Variants in AP4E1 observed in about 807,000 individuals in gnomAD.
AP4E1 encodes AP-4 complex subunit epsilon-1.
In AP4E1, 56 loss-of-function variants were observed where a neutral mutation model predicts 128.2. The ratio of observed to expected loss-of-function variants is 0.44; its 90% CI spans 0.35 to 0.55. The LOEUF is 0.55. AP4E1 is among the 20% of genes least tolerant of loss of function. AP4E1 has a pLI of 0.00. For missense variants in AP4E1, 1,324 were observed against 1,307.7 expected (o/e 1.01, Z -0.19); for synonymous variants, 484 against 473.1 (o/e 1.02, Z -0.30).
At chr15:50,972,807 G>A (rs113464153) in intron 15 of AP4E1, among the ~76,000 whole-genome samples, 179 of 152,312 alleles carry the variant, frequency 1.2e-3, no homozygotes, top group African/African-American at 4.2e-3. Context: ...GGCTCATGAT[G>A]TGGGTGCAAG....
intron 19 of AP4E1, among the ~76,000 whole-genome samples, chr15:51,000,804 T>C (rs1220638925): frequency 6.6e-6 from 1 of 152,226 alleles, no homozygotes; most frequent in African/African-American, 2.4e-5. Flanking sequence ...GAGTGGTTTA[T>C]TGAAATGATA....
chr15:50,985,017 G>C lies in AP4E1; in HGVS notation c.2090+872G>C, dbSNP rs575224512. Among the ~76,000 whole-genome samples, 758 of 152,262 alleles carry C rather than the reference G, an allele frequency of 5.0e-3. 10 individuals are homozygous for C. The highest frequency in any genetic ancestry group is 0.018 in the African/African-American group (733 of 41,552). Reference sequence around the variant, plus strand: ...TCACCATTCTAACTGGTGTGAGATGGTATCTCATTGTGGTTTTGATTTGCA... The same window carrying C: ...TCACCATTCTAACTGGTGTGAGATGCTATCTCATTGTGGTTTTGATTTGCA... On this transcript the variant is annotated intron_variant, in intron 16 of 20. Coordinates refer to ENST00000261842, the MANE Select transcript of AP4E1 (RefSeq NM_007347.5).
rs565030949 is a variant in AP4E1 at position 50,967,934 on chromosome 15, C to T, written c.1852-329C>T. Among the ~76,000 whole-genome samples the T allele has an allele frequency of 7.9e-5, 12 of 152,284 alleles. No homozygotes were observed. The South Asian group carries it at 2.1e-3, about 26-fold the overall frequency. ...TTCAAGCAGTTCTGCTGCAGTCTCC[C>T]GGGTGGTGGCTGTGCTGGGACTACA... On this transcript the variant is annotated intron_variant, in intron 14 of 20. Transcript: ENST00000261842.
At chr15:50,916,861 C>T (rs8037730) in intron 3 of AP4E1, among the ~76,000 whole-genome samples, 2,228 of 152,192 alleles carry the variant, frequency 0.015, 69 homozygotes, top group African/African-American at 0.052. Context: ...ATATTAATGT[C>T]TTAGCTCCTG....
At chr15:50,949,320 G>C (rs1188759403) in intron 11 of AP4E1, among the ~76,000 whole-genome samples, 1 of 151,646 alleles carries the variant, frequency 6.6e-6, no homozygotes, top group Non-Finnish European at 1.5e-5. Context: ...GGCTGAGGCA[G>C]GAGAATTGCT....
intron 5 of AP4E1, among the ~76,000 whole-genome samples, 197 bp downstream of exon 5, chr15:50,925,416 A>G (rs1596461571): frequency 1.3e-5 from 2 of 152,170 alleles, no homozygotes; most frequent in East Asian, 3.8e-4. Context: ...CTAAAGTTAG[A>G]CTAAGAGACA....
intron 10 of AP4E1, among the ~76,000 whole-genome samples, chr15:50,943,519 A>T (rs1474459531): frequency 6.6e-6 from 1 of 152,144 alleles, no homozygotes; most frequent in African/African-American, 2.4e-5. Context: ...TCCTAGAAAA[A>T]TAAGAAGGCT....
intron 19 of AP4E1, 117 bp from the exon 20 acceptor site, chr15:51,000,909 C>A: frequency 1.2e-6 from 1 of 854,406 alleles, no homozygotes; most frequent in South Asian, 1.6e-5. Context: ...AGACATAAAT[C>A]TTATGGGACC....
intron 19 of AP4E1, among the ~76,000 whole-genome samples, chr15:50,999,880 G>C (rs970737616): frequency 1.8e-5 from 2 of 114,256 alleles, no homozygotes; most frequent in Non-Finnish European, 3.4e-5. Flanking sequence ...AGTCCCCAGA[G>C]TGTGATGTGT....
intron 3 of AP4E1, among the ~76,000 whole-genome samples, chr15:50,921,726 C>T (rs1231126608): frequency 6.6e-6 from 1 of 152,110 alleles, no homozygotes; most frequent in East Asian, 1.9e-4. Flanking sequence ...GGAGCCAGAG[C>T]CCAAATTTCT....
intron 13 of AP4E1, among the ~76,000 whole-genome samples, chr15:50,954,801 C>T (rs545107161): frequency 2.6e-5 from 4 of 152,206 alleles, no homozygotes; most frequent in Middle Eastern, 3.4e-3. Context: ...CCCATTAACT[C>T]GTCATTTACA....
chr15:50,971,598 G>A (rs1448817938), intron 15 of AP4E1, among the ~76,000 whole-genome samples: 1 of 151,550 alleles, frequency 6.6e-6, no homozygotes, highest in Non-Finnish European at 1.5e-5. Flanking sequence ...TTGCTTAATG[G>A]TGTCCCACAA....
At position 51,002,909 on chromosome 15, in the gene AP4E1, C is replaced by A; in HGVS notation, c.*247C>A. 1 of 465,932 alleles carries A rather than the reference C, an allele frequency of 2.1e-6. No individual in the cohort carries two copies. Among genetic ancestry groups the A allele is most frequent in the Non-Finnish European group, 3.9e-6 (1 of 254,506 alleles). 28.9% of individuals were successfully genotyped at this position (465,932 alleles called of 1,614,324 possible). On this transcript the variant is annotated 3_prime_UTR_variant, in exon 21 of 21. Coordinates refer to ENST00000261842, the MANE Select transcript of AP4E1 (RefSeq NM_007347.5). ...TGACCTAAGCTAATGTTATAAACTG[C>A]TAATGATTTATATATCACTTAGTGT...
intron 15 of AP4E1, among the ~76,000 whole-genome samples, chr15:50,973,426 A>G (rs2064509951): frequency 1.3e-5 from 2 of 152,284 alleles, no homozygotes; most frequent in Non-Finnish European, 2.9e-5. Flanking sequence ...GTGGTTAAGA[A>G]CCTTAACTGG....
At chr15:50,909,592 A>G (rs1295086365) in intron 1 of AP4E1, among the ~76,000 whole-genome samples, 1 of 152,242 alleles carries the variant, frequency 6.6e-6, no homozygotes, top group Non-Finnish European at 1.5e-5. Flanking sequence ...AAATTTTTAA[A>G]TTTTTATTGA....
chr15:50,972,757 G>A (rs1358245456), intron 15 of AP4E1, among the ~76,000 whole-genome samples: 1 of 152,210 alleles, frequency 6.6e-6, no homozygotes, highest in East Asian at 1.9e-4. Flanking sequence ...GCCAGCCTGA[G>A]GACATGTCTG....
intron 10 of AP4E1, among the ~76,000 whole-genome samples, chr15:50,947,384 A>G (rs962817838): frequency 6.6e-6 from 1 of 150,752 alleles, no homozygotes; most frequent in South Asian, 2.1e-4. Flanking sequence ...CCACTGCACT[A>G]CAGCCTGGAT....
chr15:50,907,652 C>G (rs1233227804), upstream of AP4E1, among the ~76,000 whole-genome samples: 3 of 152,128 alleles, frequency 2.0e-5, no homozygotes, highest in Non-Finnish European at 4.4e-5. Flanking sequence ...CAAGGATACT[C>G]CAGGATACAT....
At chr15:50,912,620 G>A (rs2063578719) in intron 2 of AP4E1, among the ~76,000 whole-genome samples, 1 of 151,962 alleles carries the variant, frequency 6.6e-6, no homozygotes, top group South Asian at 2.1e-4. Flanking sequence ...GGCCACTGTG[G>A]GGCTGTCCCA....
Sources: gnomAD v4.1 joint callset for allele counts (sites outside exome capture counted in the v4.1 genomes callset) on GRCh38, gnomAD v4.1.1 for gene constraint, MANE v1.5 for transcripts, NCBI Gene and HGNC (gene_info 2026-07-23, HGNC 2026-07-21) for gene names.